Variants in PASD1 observed in about 807,000 individuals in gnomAD.
PASD1 encodes the protein circadian clock protein PASD1.
In PASD1, 13 loss-of-function variants were observed where a neutral mutation model predicts 58.8. The observed-to-expected ratio is 0.22, with a 90% CI of 0.14 to 0.35. The LOEUF is 0.35. Among genes scored for constraint, PASD1 ranks in the 10% least tolerant of loss-of-function variants. PASD1 has a pLI of 1.00. For missense variants in PASD1, 734 were observed against 568.3 expected, an observed-to-expected ratio of 1.29 and a Z score of -2.96; for synonymous variants, 236 against 216.7, an observed-to-expected ratio of 1.09 and a Z score of -0.78.
Position 151,676,239 on chromosome X carries a change from C to T in PASD1, c.*96C>T. 4 of 951,307 alleles carry T rather than the reference C, an allele frequency of 4.2e-6. No individual in the cohort carries two copies. Among genetic ancestry groups the T allele is most frequent in the Non-Finnish European group, 5.8e-6 (4 of 694,707 alleles). The allele number at this position is 951,307 out of a possible 1,213,427, so 78.4% of individuals were successfully genotyped here. On this transcript the variant is annotated 3_prime_UTR_variant, in exon 16 of 16. Coordinates refer to ENST00000370357, the MANE Select transcript of PASD1 (RefSeq NM_173493.3). Reference sequence around the variant, plus strand: ...GGGACCTTCAAGGTGCGTAAAGTCCCTTGGGGTAGGGTTTAGTGGGTAGAG... The same window carrying T: ...GGGACCTTCAAGGTGCGTAAAGTCCTTTGGGGTAGGGTTTAGTGGGTAGAG...
At chrX:151,623,747 C>T (rs1405023613) in intron 7 of PASD1, among the ~76,000 whole-genome samples, 1 of 110,949 alleles carries the variant, frequency 9.0e-6, no homozygotes, top group Non-Finnish European at 1.9e-5. Context: ...AGGTCCTTTT[C>T]GGATAATTTG....
chrX:151,659,115 C>G (rs1452370499), intron 9 of PASD1, among the ~76,000 whole-genome samples: 1 of 112,283 alleles, frequency 8.9e-6, no homozygotes, highest in Admixed American at 9.4e-5. Context: ...CTTTTCACCT[C>G]TCTGCTTAAA....
At chrX:151,618,456 G>A (rs763223644) in intron 4 of PASD1, among the ~76,000 whole-genome samples, 5 of 111,738 alleles carry the variant, frequency 4.5e-5, no homozygotes, top group African/African-American at 6.5e-5. Flanking sequence ...ATGTCTCACC[G>A]TATTTCAGCT....
chrX:151,623,663 G>T lies in PASD1; in HGVS notation c.546+599G>T, dbSNP rs1268194164. 4.5e-5 allele frequency among the ~76,000 whole-genome samples: 5 copies of T among 111,606 alleles called. No homozygotes were observed. The Admixed American group carries it at 4.8e-4, about 11-fold the overall frequency. On this transcript the variant is annotated intron_variant, in intron 7 of 15. Transcript: ENST00000370357. ...AGACAATAGCTAAATAATATTGGAA[G>T]GTGCCCTGAAGGATGACAGAATAAT...
chrX:151,630,060 G>A (rs2013848139), intron 8 of PASD1, among the ~76,000 whole-genome samples: 1 of 110,032 alleles, frequency 9.1e-6, no homozygotes, highest in Non-Finnish European at 1.9e-5. Flanking sequence ...AAATGTGGGT[G>A]AACGCACACT....
At chrX:151,577,162 T>G (rs948621491) in intron 1 of PASD1, among the ~76,000 whole-genome samples, 1 of 111,791 alleles carries the variant, frequency 8.9e-6, no homozygotes, top group Non-Finnish European at 1.9e-5. Context: ...TAGTGAGACC[T>G]CGTCTTGAAA....
intron 3 of PASD1, among the ~76,000 whole-genome samples, chrX:151,607,402 C>T (rs1226568441): frequency 3.6e-5 from 4 of 111,696 alleles, no homozygotes; most frequent in African/African-American, 1.3e-4. Flanking sequence ...AGCTCATGCT[C>T]CTTAGGAAGT....
intron 4 of PASD1, among the ~76,000 whole-genome samples, chrX:151,614,960 T>A (rs925805590): frequency 8.9e-6 from 1 of 112,118 alleles, no homozygotes; most frequent in Non-Finnish European, 1.9e-5. Context: ...AACAGCTAAA[T>A]GAAATAGTAG....
chrX:151,597,566 A>G (rs1004485106), intron 1 of PASD1, among the ~76,000 whole-genome samples: 1 of 112,060 alleles, frequency 8.9e-6, no homozygotes, highest in African/African-American at 3.2e-5. Context: ...CTTGTATAAC[A>G]ATGCTTTATT....
At position 151,664,294 on chromosome X, in the gene PASD1, T is replaced by A; in HGVS notation, c.1017T>A (p.Asp339Glu). ...CGTTGGACCAGGCAGGCCTGATGGATCCAGTGGATCCAGAGGACTCAGTGG... is the reference window on the plus strand; with the variant it reads ...CGTTGGACCAGGCAGGCCTGATGGAACCAGTGGATCCAGAGGACTCAGTGG... ...VAPLDQAGLMDPVDPEDSVDL... is the reference protein window; with the variant it reads ...VAPLDQAGLMEPVDPEDSVDL... Residue 339 changes from aspartate (D) to glutamate (E), a missense_variant, in exon 11 of 16, where the codon GAT (aspartate) becomes GAA (glutamate). By Grantham distance (45) the Asp-to-Glu change is conservative. Transcript: ENST00000370357. 8.3e-7 allele frequency: 1 copy of A among 1,211,155 alleles called. No individual in the cohort carries two copies. The highest frequency in any genetic ancestry group is 1.1e-6 in the Non-Finnish European group (1 of 895,282).
intron 8 of PASD1, among the ~76,000 whole-genome samples, chrX:151,636,549 G>A (rs1201526075): frequency 3.6e-5 from 4 of 110,466 alleles, no homozygotes; most frequent in East Asian, 2.8e-4. Context: ...GATTACAGGT[G>A]CCTGCCACCA....
intron 8 of PASD1, among the ~76,000 whole-genome samples, chrX:151,637,781 T>C (rs2013949366): frequency 8.9e-6 from 1 of 111,792 alleles, no homozygotes; most frequent in South Asian, 3.8e-4. Context: ...TAATTTGCAT[T>C]CCCCCTAAGG....
At chrX:151,672,751 C>T (rs893740410) in intron 14 of PASD1, 90 bp downstream of exon 14, 33 of 1,142,601 alleles carry the variant, frequency 2.9e-5, no homozygotes, top group Middle Eastern at 3.3e-4. Context: ...GACAGACGAC[C>T]TATCCATGTG....
At chrX:151,622,305 A>G (rs1445102011) in intron 6 of PASD1, among the ~76,000 whole-genome samples, 1 of 110,488 alleles carries the variant, frequency 9.1e-6, no homozygotes, top group Non-Finnish European at 1.9e-5. Flanking sequence ...ATCAGAGGTA[A>G]ATAGCCCAAA....
intron 1 of PASD1, among the ~76,000 whole-genome samples, chrX:151,564,345 T>C (rs12840482): frequency 0.26 from 28,579 of 110,798 alleles, 3,523 homozygotes; most frequent in Non-Finnish European, 0.38. Context: ...GATTGAGCAG[T>C]TTGTACACGT....
intron 11 of PASD1, among the ~76,000 whole-genome samples, chrX:151,668,912 AG>A (rs1158080709): frequency 4.1e-4 from 11 of 27,065 alleles, no homozygotes; most frequent in African/African-American, 8.4e-4. Context: ...CAAAAAAAAA[AG>A]AGATTTTTTT....
At chrX:151,665,312 C>G (rs1012129764) in intron 11 of PASD1, among the ~76,000 whole-genome samples, 2 of 112,123 alleles carry the variant, frequency 1.8e-5, no homozygotes, top group East Asian at 5.6e-4. Flanking sequence ...AAGTTGTGGT[C>G]CCCCTTTCAC....
In PASD1 at chrX:151,671,437, T is replaced by G. The variant is rs1025382923; in HGVS notation, c.1231-136T>G. On this transcript the variant is annotated intron_variant, in intron 12 of 15. Transcript: ENST00000370357. ...TGGCCCAGCCAGGCCTTGGCAATGG[T>G]AGATGTGGCTTATATATAGCCAAGG... 3.6e-6 allele frequency: 3 copies of G among 833,473 alleles called. No individual in the cohort carries two copies. The African/African-American group carries it at 6.1e-5, about 17-fold the overall frequency. 68.7% of individuals were successfully genotyped at this position (833,473 alleles called of 1,213,427 possible).
At chrX:151,649,567 C>T (rs1303029752) in intron 9 of PASD1, among the ~76,000 whole-genome samples, 1 of 111,772 alleles carries the variant, frequency 8.9e-6, no homozygotes, top group Non-Finnish European at 1.9e-5. Flanking sequence ...ATTTATTTTA[C>T]TCCTATAATA....
Sources: allele counts gnomAD v4.1 joint callset (sites outside exome capture counted in the v4.1 genomes callset), GRCh38; gene constraint gnomAD v4.1.1; transcripts MANE v1.5; gene names NCBI Gene and HGNC (gene_info 2026-07-23, HGNC 2026-07-21).